WASL: variants seen among roughly 807,000 people sequenced by gnomAD.
WASL encodes the protein WASP like actin nucleation promoting factor, also known as actin nucleation-promoting factor WASL.
In WASL, 20 loss-of-function variants were observed where a neutral mutation model predicts 55.5. The observed-to-expected ratio is 0.36, with a 90% CI of 0.25 to 0.52. The LOEUF is 0.52. Ranked by LOEUF, WASL falls within the 20% of genes least tolerant of loss-of-function variation. WASL has a pLI of 0.92. For missense variants in WASL, 504 were observed against 622.5 expected (o/e 0.81, Z 2.03); for synonymous variants, 249 against 217.6 (o/e 1.14, Z -1.27).
intron 1 of WASL, among the ~76,000 whole-genome samples, chr7:123,747,595 T>G (rs1584878474): frequency 6.6e-6 from 1 of 152,298 alleles, no homozygotes; most frequent in East Asian, 1.9e-4. Context: ...ATTGCTTTGT[T>G]GAAATTTCCG....
At chr7:123,741,748 G>A (rs2116827665) in intron 1 of WASL, among the ~76,000 whole-genome samples, 1 of 152,214 alleles carries the variant, frequency 6.6e-6, no homozygotes, top group South Asian at 2.1e-4. Context: ...GCTCTTACCA[G>A]TTTTTATAAA....
At chr7:123,737,587 T>A (rs1390730724) in intron 1 of WASL, among the ~76,000 whole-genome samples, 1 of 111,588 alleles carries the variant, frequency 9.0e-6, no homozygotes, top group Non-Finnish European at 1.7e-5. Flanking sequence ...AGAGCAAGAC[T>A]CCGTCTCCCA....
At chr7:123,699,648 C>T (rs1028938609) in intron 5 of WASL, among the ~76,000 whole-genome samples, 2 of 152,018 alleles carry the variant, frequency 1.3e-5, no homozygotes, top group Non-Finnish European at 2.9e-5. Context: ...CTTCTTATAA[C>T]CTTGATTTAT....
Position 123,696,587 on chromosome 7 carries a change from G to A in WASL, c.621C>T (p.Ser207=). ...CAAAAGAACTGTCTTACTGGAAATTGCTTGGTGTTCCTATATCTGCCTTGG... is the reference window on the plus strand; with the variant it reads ...CAAAAGAACTGTCTTACTGGAAATTACTTGGTGTTCCTATATCTGCCTTGG... ...RLTKADIGTP[S]NFQHIGHVGW... The change falls in exon 6 of 11, where the codon AGC becomes AGT. Residue 207 remains serine (S), a synonymous_variant. Transcript: ENST00000223023. 1 of 1,576,082 alleles carries A rather than the reference G, an allele frequency of 6.3e-7. No homozygotes were observed. Among genetic ancestry groups the A allele is most frequent in the Non-Finnish European group, 8.6e-7 (1 of 1,163,350 alleles).
intron 6 of WASL, 107 bp from the exon 7 acceptor site, chr7:123,695,972 GAACT>G: frequency 2.0e-6 from 2 of 976,116 alleles, no homozygotes; most frequent in South Asian, 1.4e-5. Context: ...TTTTTGGTCT[GAACT>G]AACAGTTCTC....
In WASL at chr7:123,686,794, G is replaced by C. The variant is rs577865587; in HGVS notation, c.1457-2214C>G. 1.7e-3 allele frequency among the ~76,000 whole-genome samples: 264 copies of C among 152,178 alleles called. 1 individual carries two copies. The highest frequency in any genetic ancestry group is 1.8e-3 in the Non-Finnish European group (125 of 67,990). On this transcript the variant is annotated intron_variant, in intron 10 of 10. Transcript: ENST00000223023. ...ACATTACTATGACATAAAAAATTCA[G>C]GCAGTTTACCTCATCTGTGAGGATT...
intron 1 of WASL, among the ~76,000 whole-genome samples, chr7:123,745,144 C>T (rs1584877595): frequency 4.6e-5 from 7 of 152,102 alleles, no homozygotes; most frequent in Middle Eastern, 3.4e-3. Flanking sequence ...TTGAAACTCC[C>T]TTCCCTCACC....
chr7:123,706,411 G>A lies in WASL; in HGVS notation c.340-38C>T. 9 of 1,561,596 alleles carry A rather than the reference G, an allele frequency of 5.8e-6. 1 individual carries two copies. The highest frequency in any genetic ancestry group is 7.9e-6 in the Non-Finnish European group (9 of 1,136,576). On this transcript the variant is annotated intron_variant, in intron 3 of 10. Transcript: ENST00000223023. ...CATCACAAAGGGGAAACAACAGAAT[G>A]TATGAATTTAGCTTTATATCATAAA...
intron 1 of WASL, among the ~76,000 whole-genome samples, chr7:123,712,160 T>G (rs562269354): frequency 8.0e-5 from 12 of 150,372 alleles, no homozygotes; most frequent in Admixed American, 2.6e-4. Flanking sequence ...GTTTGTTTGG[T>G]TTTTTTTTCA....
In WASL at chr7:123,682,011, C is replaced by T. The variant is rs552119151; in HGVS notation, c.*2508G>A. 3 of 152,110 alleles carry T rather than the reference C, an allele frequency of 2.0e-5. No individual in the cohort carries two copies. The highest frequency in any genetic ancestry group is 7.2e-5 in the African/African-American group (3 of 41,410). 9.4% of individuals were successfully genotyped at this position (152,110 alleles called of 1,614,324 possible). The stretch of plus-strand genomic sequence containing the variant: ...TGCCACCAGTGCAACATCCTATTCA[C>T]TATACATTTCAAAAAAAGAATTCAC... On this transcript the variant is annotated 3_prime_UTR_variant, in exon 11 of 11. Coordinates refer to ENST00000223023, the MANE Select transcript of WASL (RefSeq NM_003941.4).
chr7:123,694,936 A>G, intron 7 of WASL, 68 bp from the exon 8 acceptor site: 1 of 1,489,214 alleles, frequency 6.7e-7, no homozygotes, highest in South Asian at 1.3e-5. Flanking sequence ...TTTAAGTCTC[A>G]TCTGTGTCCT....
chr7:123,701,129 T>C (rs148602283), intron 5 of WASL, among the ~76,000 whole-genome samples: 5,186 of 152,318 alleles, frequency 0.034, 110 homozygotes, highest in Non-Finnish European at 0.052. Flanking sequence ...ATGAAAGATT[T>C]AGTAACAGAT....
intron 1 of WASL, chr7:123,720,475 G>C: frequency 2.9e-6 from 1 of 350,444 alleles, no homozygotes; most frequent in Non-Finnish European, 5.5e-6. Flanking sequence ...CCACAAACAA[G>C]AATAAATAAC....
intron 1 of WASL, among the ~76,000 whole-genome samples, chr7:123,740,450 A>G (rs1312821832): frequency 6.7e-6 from 1 of 148,244 alleles, no homozygotes; most frequent in Non-Finnish European, 1.5e-5. Context: ...GATGCAATAA[A>G]TAAGATTTAT....
rs140908717 is a variant in WASL at position 123,709,221 on chromosome 7, A to G, written c.120T>C (p.Thr40=). Residue 40 remains threonine, a splice_region_variant and synonymous_variant, in exon 2 of 11, where the codon ACT becomes ACC. Coordinates refer to ENST00000223023, the MANE Select transcript of WASL (RefSeq NM_003941.4). ...LFTFLGKKCV[T]MSSAVVQLYA... is the part of the protein sequence containing the mutation. ...ATAACTGCACCACTGCTGAAGACAT[A>G]GTCTGCAAAATATAAAATTTATAAC... is the stretch of plus-strand genomic sequence containing the variant. The G allele has an allele frequency of 1.2e-5, 19 of 1,601,016 alleles. No homozygotes were observed. In the African/African-American group the frequency reaches 1.9e-4, roughly 16 times the overall value.
At chr7:123,704,530 A>T (rs1803637563) in intron 5 of WASL, 104 bp downstream of exon 5, 1 of 901,490 alleles carries the variant, frequency 1.1e-6, no homozygotes, top group Non-Finnish European at 1.7e-6. Flanking sequence ...ACAAGGATTA[A>T]CATGTAAAAG....
At chr7:123,737,683 TA>T (rs1417279119) in intron 1 of WASL, among the ~76,000 whole-genome samples, 2 of 141,206 alleles carry the variant, frequency 1.4e-5, no homozygotes, top group Non-Finnish European at 3.1e-5. Context: ...TTTATAAAAA[TA>T]AAAAGCTGGA....
chr7:123,726,293 T>G (rs900398996), intron 1 of WASL, among the ~76,000 whole-genome samples: 1 of 152,128 alleles, frequency 6.6e-6, no homozygotes, highest in Admixed American at 6.5e-5. Flanking sequence ...TCAAATTAAC[T>G]ACATAGGGAA....
chr7:123,690,145 A>G (rs1803377764), intron 9 of WASL, among the ~76,000 whole-genome samples: 1 of 152,180 alleles, frequency 6.6e-6, no homozygotes, highest in Admixed American at 6.5e-5. Flanking sequence ...GCTCTCAAGG[A>G]GGTACAACAG....
Sources: gnomAD v4.1 joint callset for allele counts (sites outside exome capture counted in the v4.1 genomes callset) on GRCh38, gnomAD v4.1.1 for gene constraint, MANE v1.5 for transcripts, NCBI Gene and HGNC (gene_info 2026-07-23, HGNC 2026-07-21) for gene names.